Variants in ITGBL1 observed in about 807,000 individuals in gnomAD.
ITGBL1 encodes integrin beta-like protein 1.
Under a neutral mutation model 68.5 loss-of-function variants are expected in ITGBL1, and 51 were observed. The ratio of observed to expected loss-of-function variants is 0.74; its 90% CI spans 0.59 to 0.94. The LOEUF (loss-of-function observed/expected upper bound fraction) is 0.94, where lower values mean the gene tolerates loss of function less well. Ranked by LOEUF, ITGBL1 falls within the 40% of genes least tolerant of loss-of-function variation. ITGBL1 has a pLI of 0.00. For missense variants in ITGBL1, 649 were observed against 647.4 expected (o/e 1.00, Z -0.03); for synonymous variants, 209 against 227.3 (o/e 0.92, Z 0.72).
intron 2 of ITGBL1, among the ~76,000 whole-genome samples, chr13:101,543,885 C>G (rs900402686): frequency 6.6e-6 from 1 of 152,184 alleles, no homozygotes; most frequent in Non-Finnish European, 1.5e-5. Flanking sequence ...AGTTCTCGTG[C>G]CTTGGTTTTC....
At chr13:101,455,800 C>A (rs2048235785) in intron 2 of ITGBL1, among the ~76,000 whole-genome samples, 1 of 152,128 alleles carries the variant, frequency 6.6e-6, no homozygotes, top group African/African-American at 2.4e-5. Flanking sequence ...TATTTCATTC[C>A]AAATTTGACT....
chr13:101,498,474 A>G (rs529974817), intron 2 of ITGBL1, among the ~76,000 whole-genome samples: 29 of 152,338 alleles, frequency 1.9e-4, no homozygotes, highest in Non-Finnish European at 3.8e-4. Context: ...TTGTTTATCC[A>G]AGACAGATGG....
At chr13:101,683,979 T>C (rs1454780764) in intron 7 of ITGBL1, among the ~76,000 whole-genome samples, 5 of 151,984 alleles carry the variant, frequency 3.3e-5, no homozygotes, top group Admixed American at 2.0e-4. Flanking sequence ...TTGTCAGATA[T>C]GTGTGTCACT....
downstream of ITGBL1, chr13:101,717,597 G>A (rs1033094100): frequency 6.6e-6 from 1 of 152,072 alleles, no homozygotes; most frequent in African/African-American, 2.4e-5. Context: ...CTATCACGGC[G>A]CTTATCCTCC....
intron 2 of ITGBL1, among the ~76,000 whole-genome samples, chr13:101,492,084 A>G (rs779393152): frequency 6.6e-6 from 1 of 152,210 alleles, no homozygotes; most frequent in African/African-American, 2.4e-5. Context: ...ATAGTGCTGC[A>G]ATAAACATAT....
chr13:101,601,911 A>T (rs548817459), intron 7 of ITGBL1, among the ~76,000 whole-genome samples: 4 of 152,208 alleles, frequency 2.6e-5, no homozygotes, highest in South Asian at 4.1e-4. Context: ...ATCTTAATTT[A>T]AAAAACAGCT....
At chr13:101,641,284 T>A (rs1323650874) in intron 7 of ITGBL1, among the ~76,000 whole-genome samples, 3 of 152,186 alleles carry the variant, frequency 2.0e-5, no homozygotes, top group Non-Finnish European at 4.4e-5. Flanking sequence ...GTTAAATAAA[T>A]GCATTACTTT....
Position 101,453,919 on chromosome 13 carries a change from C to G in ITGBL1, c.135C>G (p.Ala45=), listed in dbSNP as rs779375787. 2 of 1,333,710 alleles carry G rather than the reference C, an allele frequency of 1.5e-6. No homozygotes were observed. The highest frequency in any genetic ancestry group is 1.9e-6 in the Non-Finnish European group (2 of 1,041,822). The allele number at this position is 1,333,710 out of a possible 1,614,324, so 82.6% of individuals were successfully genotyped here. Residue 45 remains alanine, a synonymous_variant, in exon 2 of 11, where the codon GCC becomes GCG. Coordinates refer to ENST00000376180, the MANE Select transcript of ITGBL1 (RefSeq NM_004791.3). ...GCGCCGCCTGCAGGCTGTCCCGGGC[C>G]GAGTCGGAGCGACGCTGCCGCGCAC... ...WPGAACRLSR[A]ESERRCRAPG...
chr13:101,691,224 C>T (rs2033876634), intron 7 of ITGBL1, among the ~76,000 whole-genome samples: 1 of 152,164 alleles, frequency 6.6e-6, no homozygotes, highest in Non-Finnish European at 1.5e-5. Context: ...CCCCTGCCTC[C>T]TGCTGAACCT....
intron 2 of ITGBL1, among the ~76,000 whole-genome samples, chr13:101,519,116 C>A (rs1435276094): frequency 6.6e-6 from 1 of 152,112 alleles, no homozygotes; most frequent in Non-Finnish European, 1.5e-5. Flanking sequence ...ATGTTCAAAT[C>A]CGTAATGGAA....
chr13:101,606,586 G>A (rs930749122), intron 7 of ITGBL1, among the ~76,000 whole-genome samples: 2 of 102,178 alleles, frequency 2.0e-5, no homozygotes, highest in South Asian at 4.2e-4. Context: ...GTTCTCCTGA[G>A]CATCAGTTTG....
intron 7 of ITGBL1, among the ~76,000 whole-genome samples, chr13:101,649,634 CA>C (rs5806238): frequency 0.069 from 10,446 of 152,168 alleles, 383 homozygotes; most frequent in Middle Eastern, 0.12. Flanking sequence ...GCTTCTGTCA[CA>C]ACCTTAGCAA....
At chr13:101,701,935 T>C (rs569634430) in intron 8 of ITGBL1, among the ~76,000 whole-genome samples, 22 of 152,266 alleles carry the variant, frequency 1.4e-4, no homozygotes, top group African/African-American at 4.8e-4. Context: ...TGTACGACAA[T>C]GAGAATATAC....
chr13:101,718,875 A>C (rs1461919659), downstream of ITGBL1: 1 of 152,058 alleles, frequency 6.6e-6, no homozygotes, highest in East Asian at 1.9e-4. Context: ...GAGAGTCAAC[A>C]GGCCCTATGT....
chr13:101,550,281 A>G (rs915482323), intron 2 of ITGBL1, among the ~76,000 whole-genome samples: 3 of 152,136 alleles, frequency 2.0e-5, no homozygotes, highest in Non-Finnish European at 4.4e-5. Context: ...CTGGAGAAAA[A>G]GAGTATATTT....
At chr13:101,653,224 AAGG>A (rs1306130010) in intron 7 of ITGBL1, among the ~76,000 whole-genome samples, 1 of 146,106 alleles carries the variant, frequency 6.8e-6, no homozygotes, top group Non-Finnish European at 1.5e-5. Flanking sequence ...GGAAGGAAGG[AAGG>A]AGAAATTTGT....
At chr13:101,478,863 ATTG>A (rs1388528766) in intron 2 of ITGBL1, among the ~76,000 whole-genome samples, 4 of 152,112 alleles carry the variant, frequency 2.6e-5, no homozygotes, top group Admixed American at 2.6e-4. Context: ...AAGACTCAAT[ATTG>A]TTAAAGCATC....
intron 7 of ITGBL1, among the ~76,000 whole-genome samples, chr13:101,650,620 C>CTTT (rs55874443): frequency 1.0e-3 from 141 of 137,416 alleles, no homozygotes; most frequent in African/African-American, 3.5e-3. Flanking sequence ...TCTTTTTTTT[C>CTTT]TTTTTTTTTT....
Position 101,521,269 on chromosome 13 carries a change from A to G in ITGBL1, c.317-46430A>G, listed in dbSNP as rs2049279523. Among the ~76,000 whole-genome samples, 4 of 152,236 alleles carry G rather than the reference A, an allele frequency of 2.6e-5. No individual in the cohort carries two copies. In the South Asian group the frequency reaches 8.3e-4, roughly 31 times the overall value. Reference sequence around the variant, plus strand: ...TTTTCTAGAAGCAAGGGACATAGCAACAGATACAACTGACGAAAATCTCTG... The same window carrying G: ...TTTTCTAGAAGCAAGGGACATAGCAGCAGATACAACTGACGAAAATCTCTG... On this transcript the variant is annotated intron_variant, in intron 2 of 10. Transcript: ENST00000376180.
Sources: allele counts gnomAD v4.1 joint callset (sites outside exome capture counted in the v4.1 genomes callset), GRCh38; gene constraint gnomAD v4.1.1; transcripts MANE v1.5; gene names NCBI Gene and HGNC (gene_info 2026-07-23, HGNC 2026-07-21).